The following MARCHF8 variants were observed in gnomAD, a reference collection of about 807,000 sequenced individuals.
MARCHF8 encodes E3 ubiquitin-protein ligase MARCHF8.
MARCHF8 carries 40 observed loss-of-function variants against 51.6 expected under a neutral mutation model. The observed-to-expected ratio is 0.77, with a 90% CI of 0.60 to 1.01. The LOEUF (loss-of-function observed/expected upper bound fraction) is 1.01, where lower values mean the gene tolerates loss of function less well. Among genes scored for constraint, MARCHF8 ranks in the 50% least tolerant of loss-of-function variants. MARCHF8 has a pLI of 0.00. For synonymous variants in MARCHF8, 263 were observed against 280.3 expected (o/e 0.94, Z 0.62); for missense variants, 685 against 708.6 (o/e 0.97, Z 0.38).
At chr10:45,460,133 T>A (rs1367504174) in intron 6 of MARCHF8, among the ~76,000 whole-genome samples, 2 of 152,180 alleles carry the variant, frequency 1.3e-5, no homozygotes, top group African/African-American at 2.4e-5. Context: ...AATCTGGTTG[T>A]TTTCTGCTGG....
chr10:45,527,894 A>G (rs1438650882), intron 2 of MARCHF8, among the ~76,000 whole-genome samples: 4 of 152,216 alleles, frequency 2.6e-5, no homozygotes, highest in African/African-American at 9.6e-5. Flanking sequence ...ATCAAAAAAC[A>G]TGGTACACCA....
In MARCHF8 at chr10:45,463,336, G is replaced by A; in HGVS notation, c.903C>T (p.Gly301=). 1 of 1,550,922 alleles carries A rather than the reference G, an allele frequency of 6.4e-7. No individual in the cohort carries two copies. The highest frequency in any genetic ancestry group is 8.7e-7 in the Non-Finnish European group (1 of 1,147,074). ...CGTCTCCCATCTCGTCAGAGCAGAAGCCCATACTCCCTGCCAGCCCGCTGG... is the reference window on the plus strand; with the variant it reads ...CGTCTCCCATCTCGTCAGAGCAGAAACCCATACTCCCTGCCAGCCCGCTGG... The part of the protein sequence containing the change: ...KSSSGLAGSM[G]FCSDEMGDDD... Residue 301 remains glycine, a synonymous_variant, in exon 5 of 8, where the codon GGC becomes GGT. Transcript: ENST00000453424.
At chr10:45,462,782 C>T (rs949612899) in intron 5 of MARCHF8, among the ~76,000 whole-genome samples, 3 of 151,968 alleles carry the variant, frequency 2.0e-5, no homozygotes, top group Non-Finnish European at 2.9e-5. Flanking sequence ...CCCGCCACCA[C>T]GCCCGGCTAA....
At chr10:45,508,445 T>C (rs905849431) in intron 2 of MARCHF8, among the ~76,000 whole-genome samples, 38 of 152,092 alleles carry the variant, frequency 2.5e-4, no homozygotes, top group Admixed American at 1.2e-3. Context: ...CTCACTGTCA[T>C]GATTAGTTTC....
chr10:45,539,058 A>G (rs1393611316), upstream of MARCHF8, among the ~76,000 whole-genome samples: 3 of 152,238 alleles, frequency 2.0e-5, no homozygotes, highest in African/African-American at 7.2e-5. Flanking sequence ...AATTGACCAC[A>G]TAGTTGGAAG....
intron 1 of MARCHF8, 71 bp from the exon 2 acceptor site, chr10:45,533,360 C>T (rs2043921033): frequency 4.3e-6 from 4 of 940,768 alleles, no homozygotes; most frequent in South Asian, 3.3e-5. Context: ...GTGAGCTTAA[C>T]ATTTTATACT....
chr10:45,512,485 C>T (rs1330522133), intron 2 of MARCHF8, among the ~76,000 whole-genome samples: 3 of 151,062 alleles, frequency 2.0e-5, no homozygotes, highest in Non-Finnish European at 4.4e-5. Flanking sequence ...AGTGAGGAGC[C>T]CCTCTGCCCG....
At chr10:45,587,580 T>C (rs1025553909) in intron 1 of MARCHF8, among the ~76,000 whole-genome samples, 1 of 152,188 alleles carries the variant, frequency 6.6e-6, no homozygotes, top group African/African-American at 2.4e-5. Flanking sequence ...CCTAACAAGC[T>C]GATTTTAAAA....
At chr10:45,580,339 CAT>C (rs1491409549) in intron 1 of MARCHF8, among the ~76,000 whole-genome samples, 2 of 152,000 alleles carry the variant, frequency 1.3e-5, no homozygotes, top group East Asian at 3.9e-4. Flanking sequence ...TCAGAACAGA[CAT>C]ATTATAAACA....
intron 1 of MARCHF8, among the ~76,000 whole-genome samples, chr10:45,588,879 T>C (rs935593436): frequency 2.0e-5 from 3 of 151,588 alleles, no homozygotes; most frequent in East Asian, 1.9e-4. Flanking sequence ...GTGCCTGTAG[T>C]TCCAGCTACT....
chr10:45,459,082 G>T, intron 7 of MARCHF8, 38 bp downstream of exon 7: 2 of 1,612,190 alleles, frequency 1.2e-6, no homozygotes, highest in Non-Finnish European at 1.7e-6. Context: ...GAGCTATCCC[G>T]GCCCCCATGC....
At chr10:45,581,726 C>A (rs2044557374) in intron 1 of MARCHF8, among the ~76,000 whole-genome samples, 1 of 152,090 alleles carries the variant, frequency 6.6e-6, no homozygotes, top group Non-Finnish European at 1.5e-5. Context: ...TCTCAACAGG[C>A]CCTTCCTACT....
chr10:45,548,438 A>G (rs1045714006), intron 1 of MARCHF8, among the ~76,000 whole-genome samples: 4 of 152,210 alleles, frequency 2.6e-5, no homozygotes, highest in African/African-American at 9.6e-5. Flanking sequence ...CCACCGGGGC[A>G]GGTACGTGAA....
chr10:45,593,090 G>A (rs966209814), intron 1 of MARCHF8, among the ~76,000 whole-genome samples: 1 of 149,512 alleles, frequency 6.7e-6, no homozygotes, highest in African/African-American at 2.6e-5. Flanking sequence ...TTAAGCCAAA[G>A]ATCAGGGAAG....
At chr10:45,533,980 G>A (rs138708197) in intron 1 of MARCHF8, among the ~76,000 whole-genome samples, 10 of 152,250 alleles carry the variant, frequency 6.6e-5, no homozygotes, top group East Asian at 1.9e-4. Context: ...TCAGGAGATC[G>A]AGACCACCCT....
rs569763086 is a variant in MARCHF8 at position 45,463,990 on chromosome 10, A to G, written c.249T>C (p.Ser83=). 56 of 1,534,512 alleles carry G rather than the reference A, an allele frequency of 3.6e-5. No individual in the cohort carries two copies. The South Asian group carries it at 4.5e-4, about 12-fold the overall frequency. The change falls in exon 5 of 8, where the codon AGT becomes AGC. Residue 83 remains serine, a synonymous_variant. Coordinates refer to ENST00000453424, the MANE Select transcript of MARCHF8 (RefSeq NM_001282866.2). ...TPSSQDICSS[S]AVFSECCHHS... ...GGTGACAACACTCAGAAAACACTGCACTGGAACTGCATGCAGAACAGTGGG... is the reference window on the plus strand; with the variant it reads ...GGTGACAACACTCAGAAAACACTGCGCTGGAACTGCATGCAGAACAGTGGG...
At chr10:45,486,804 CTTTTTTTTT>C (rs34757159) in intron 3 of MARCHF8, among the ~76,000 whole-genome samples, 22 of 94,580 alleles carry the variant, frequency 2.3e-4, no homozygotes, top group African/African-American at 8.4e-4. Flanking sequence ...TATTACCCTA[CTTTTTTTTT>C]TTTTTTTTTT....
upstream of MARCHF8, among the ~76,000 whole-genome samples, chr10:45,538,395 G>C (rs1589161346): frequency 6.6e-6 from 1 of 152,310 alleles, no homozygotes; most frequent in East Asian, 1.9e-4. Context: ...AGGCTAGGAA[G>C]AAACTACATC....
chr10:45,533,498 G>A (rs1322047489), intron 1 of MARCHF8, among the ~76,000 whole-genome samples: 1 of 152,204 alleles, frequency 6.6e-6, no homozygotes, highest in East Asian at 1.9e-4. Flanking sequence ...ACCTGAAAGA[G>A]GCAGGTGGAT....
Sources: allele counts gnomAD v4.1 joint callset (sites outside exome capture counted in the v4.1 genomes callset), GRCh38; gene constraint gnomAD v4.1.1; transcripts MANE v1.5; gene names NCBI Gene and HGNC (gene_info 2026-07-23, HGNC 2026-07-21).